TMX4: variants seen among roughly 807,000 people sequenced by gnomAD.
TMX4 encodes thioredoxin-related transmembrane protein 4.
Under a neutral mutation model 33.3 loss-of-function variants are expected in TMX4, and 23 were observed. The observed-to-expected ratio is 0.69, with a 90% CI of 0.50 to 0.98. TMX4 has a LOEUF of 0.98. Among genes scored for constraint, TMX4 ranks in the 50% least tolerant of loss-of-function variants. TMX4 has a pLI of 0.00. For synonymous variants in TMX4, 164 were observed against 161.5 expected (o/e 1.02, Z -0.12); for missense variants, 399 against 448.9 (o/e 0.89, Z 1.01).
Position 7,981,132 on chromosome 20 carries a change from C to A in TMX4, c.*1119G>T, listed in dbSNP as rs527719145. On this transcript the variant is annotated 3_prime_UTR_variant, in exon 8 of 8. Transcript: ENST00000246024. ...TTGAGAGATTTACAAAGATATAATT[C>A]TTTGGAAGATTACAGAAGATGGAAA... 2.0e-4 allele frequency: 31 copies of A among 151,816 alleles called. No homozygotes were observed. Among genetic ancestry groups the A allele is most frequent in the Middle Eastern group, 6.8e-3 (2 of 294 alleles). The allele number at this position is 151,816 out of a possible 1,614,324, so 9.4% of individuals were successfully genotyped here.
Position 7,978,548 on chromosome 20 carries a change from G to A in TMX4, c.*3703C>T, listed in dbSNP as rs1230620124. On this transcript the variant is annotated 3_prime_UTR_variant, in exon 8 of 8. Coordinates refer to ENST00000246024, the MANE Select transcript of TMX4 (RefSeq NM_021156.4). ...CAACAAGGAATTTTGGCCATAAAAA[G>A]TCAAATTTTGTTTTTTTTCCACTAT... is the stretch of plus-strand genomic sequence containing the variant. 2.0e-5 allele frequency: 3 copies of A among 152,250 alleles called. No homozygotes were observed. The highest frequency in any genetic ancestry group is 7.2e-5 in the African/African-American group (3 of 41,548). 9.4% of individuals were successfully genotyped at this position (152,250 alleles called of 1,614,324 possible).
intron 6 of TMX4, among the ~76,000 whole-genome samples, chr20:7,984,279 G>A (rs992887873): frequency 3.3e-5 from 5 of 152,220 alleles, no homozygotes; most frequent in Non-Finnish European, 7.3e-5. Context: ...GGGAAGGATT[G>A]AGGATGACTT....
chr20:8,002,990 A>G (rs1330240459), intron 2 of TMX4, among the ~76,000 whole-genome samples: 2 of 152,136 alleles, frequency 1.3e-5, no homozygotes, highest in African/African-American at 4.8e-5. Context: ...AGTGACCCAA[A>G]AATAGGTCAA....
intron 1 of TMX4, chr20:8,018,812 T>C (rs1391067002): frequency 8.0e-6 from 2 of 250,686 alleles, no homozygotes; most frequent in Non-Finnish European, 1.6e-5. Context: ...TTATAATAAG[T>C]ATCAACATTT....
At chr20:8,004,758 C>G (rs894907214) in intron 2 of TMX4, among the ~76,000 whole-genome samples, 1 of 152,152 alleles carries the variant, frequency 6.6e-6, no homozygotes, top group Non-Finnish European at 1.5e-5. Flanking sequence ...TAATAGCTAT[C>G]TATTAGCCAT....
In TMX4 at chr20:7,995,919, T is replaced by A. The variant is rs2050674199; in HGVS notation, c.513+107A>T. 3 of 981,728 alleles carry A rather than the reference T, an allele frequency of 3.1e-6. No homozygotes were observed. In the South Asian group the frequency reaches 4.8e-5, roughly 16 times the overall value. The allele number at this position is 981,728 out of a possible 1,614,324, so 60.8% of individuals were successfully genotyped here. A position where few individuals can be genotyped will look rare whatever the true frequency, so the allele number is the denominator to read the frequency against. The stretch of plus-strand genomic sequence containing the variant: ...TAGTTGCATGGCTTAAGAAAAAAAG[T>A]GAAATTATAAATGTACTTATAAATG... On this transcript the variant is annotated intron_variant, in intron 5 of 7. Transcript: ENST00000246024.
At chr20:7,999,950 C>G in intron 3 of TMX4, 90 bp from the exon 4 acceptor site, 1 of 1,367,458 alleles carries the variant, frequency 7.3e-7, no homozygotes, top group Non-Finnish European at 9.9e-7. Context: ...GGTGATACAT[C>G]TGAACGCCAT....
At position 8,010,127 on chromosome 20, in the gene TMX4, T is replaced by C. The variant is rs1307040502; in HGVS notation, c.292+73A>G. On this transcript the variant is annotated intron_variant, in intron 2 of 7. Coordinates refer to ENST00000246024, the MANE Select transcript of TMX4 (RefSeq NM_021156.4). ...ATCAATATCCCAGACTCTCAACTTT[T>C]CTATATGCTTGAAAAAAATTCAAAA... 7 of 1,327,298 alleles carry C rather than the reference T, an allele frequency of 5.3e-6. No individual in the cohort carries two copies. The East Asian group carries it at 1.5e-4, about 28-fold the overall frequency. 82.2% of individuals were successfully genotyped at this position (1,327,298 alleles called of 1,614,324 possible). A position where few individuals can be genotyped will look rare whatever the true frequency, so the allele number is the denominator to read the frequency against.
chr20:7,983,446 T>C (rs1057359524), intron 7 of TMX4, among the ~76,000 whole-genome samples: 2 of 152,140 alleles, frequency 1.3e-5, no homozygotes, highest in Non-Finnish European at 2.9e-5. Context: ...GAAGACTGCT[T>C]TTAAAGGACT....
chr20:8,006,853 G>T, intron 2 of TMX4, among the ~76,000 whole-genome samples: 1 of 151,510 alleles, frequency 6.6e-6, no homozygotes, highest in African/African-American at 2.4e-5. Flanking sequence ...CTGCCTCCCG[G>T]GTTCAAGCGA....
chr20:8,018,511 A>T lies in TMX4; in HGVS notation c.176+927T>A. Among the ~76,000 whole-genome samples the T allele has an allele frequency of 8.2e-5, 4 of 48,878 alleles. 1 individual carries two copies. In the African/African-American group the frequency reaches 1.1e-3, roughly 13 times the overall value. The allele number at this position is 48,878 out of a possible 152,430, so 32.1% of individuals were successfully genotyped here. A position where few individuals can be genotyped will look rare whatever the true frequency, so the allele number is the denominator to read the frequency against. ...GAGAGAGAGAGAGAGAGAGAGAGAG[A>T]GAGAGAGAGAGAGAGAGTCTGCAAG... On this transcript the variant is annotated intron_variant, in intron 1 of 7. Coordinates refer to ENST00000246024, the MANE Select transcript of TMX4 (RefSeq NM_021156.4).
chr20:8,018,278 G>A lies in TMX4; in HGVS notation c.176+1160C>T, dbSNP rs187625484. On this transcript the variant is annotated intron_variant, in intron 1 of 7. Coordinates refer to ENST00000246024, the MANE Select transcript of TMX4 (RefSeq NM_021156.4). The stretch of plus-strand genomic sequence containing the variant: ...TATGTTTGGGGGGTGGGGGCGGGAG[G>A]GGGGCAGGTAGGGTGGAAAGGAGTT... Among the ~76,000 whole-genome samples, 734 of 134,178 alleles carry A rather than the reference G, an allele frequency of 5.5e-3. 10 individuals carry two copies. The highest frequency in any genetic ancestry group is 8.6e-3 in the Non-Finnish European group (540 of 62,626). The allele number at this position is 134,178 out of a possible 152,430, so 88.0% of individuals were successfully genotyped here. A position where few individuals can be genotyped will look rare whatever the true frequency, so the allele number is the denominator to read the frequency against.
chr20:8,008,447 TTC>T (rs749246870), intron 2 of TMX4, among the ~76,000 whole-genome samples: 4 of 152,160 alleles, frequency 2.6e-5, no homozygotes, highest in South Asian at 4.1e-4. Context: ...TAAAATCAAT[TTC>T]TCTCTTATTT....
intron 1 of TMX4, among the ~76,000 whole-genome samples, chr20:8,018,513 AGAGAGAGAGAG>A (rs2050792810): frequency 2.2e-5 from 1 of 46,434 alleles, no homozygotes; most frequent in Admixed American, 2.2e-4. Context: ...AGAGAGAGAG[AGAGAGAGAGAG>A]AGAGTCTGCA....
At chr20:7,993,853 C>T (rs1276391104) in intron 5 of TMX4, among the ~76,000 whole-genome samples, 5 of 151,976 alleles carry the variant, frequency 3.3e-5, no homozygotes, top group African/African-American at 1.2e-4. Flanking sequence ...CAACTCTCTT[C>T]CATTCCCCTA....
chr20:8,011,868 C>T lies in TMX4; in HGVS notation c.177-1553G>A, dbSNP rs528125933. 1.6e-4 allele frequency among the ~76,000 whole-genome samples: 24 copies of T among 152,224 alleles called. No homozygotes were observed. In the East Asian group the frequency reaches 3.5e-3, roughly 22 times the overall value. ...CCTGAGATCCAGAAGACAGGAACAA[C>T]AAAATAATCTGCTGACATCTTTGAA... On this transcript the variant is annotated intron_variant, in intron 1 of 7. Transcript: ENST00000246024.
chr20:8,002,942 T>A (rs2050713501), intron 2 of TMX4, among the ~76,000 whole-genome samples: 1 of 152,076 alleles, frequency 6.6e-6, no homozygotes, highest in African/African-American at 2.4e-5. Context: ...TCATTGTACA[T>A]TGGAAAAAAA....
chr20:8,001,641 T>C, intron 2 of TMX4, 100 bp from the exon 3 acceptor site: 2 of 1,136,550 alleles, frequency 1.8e-6, no homozygotes, highest in Non-Finnish European at 2.5e-6. Flanking sequence ...TCACTGCAAT[T>C]GTTGACTCAC....
chr20:7,987,517 TA>T (rs763415400), intron 5 of TMX4, 128 bp from the exon 6 acceptor site: 26 of 571,068 alleles, frequency 4.6e-5, no homozygotes, highest in Non-Finnish European at 6.7e-5. Flanking sequence ...AAATGATTCT[TA>T]AAGAACAAGT....
Sources: allele counts gnomAD v4.1 joint callset (sites outside exome capture counted in the v4.1 genomes callset), GRCh38; gene constraint gnomAD v4.1.1; transcripts MANE v1.5; gene names NCBI Gene and HGNC (gene_info 2026-07-23, HGNC 2026-07-21).